IMMP2L: variants seen among roughly 807,000 people sequenced by gnomAD.
IMMP2L encodes mitochondrial inner membrane protease subunit 2.
In IMMP2L, 18 loss-of-function variants were observed where a neutral mutation model predicts 19.3. That is an observed-to-expected ratio of 0.93 (90% CI 0.64 to 1.38). IMMP2L has a LOEUF of 1.38. Ranked by LOEUF, IMMP2L falls within the 40% of genes most tolerant of loss-of-function variation. The pLI is 0.00. For synonymous variants in IMMP2L, 76 were observed against 73.0 expected, an observed-to-expected ratio of 1.04 and a Z score of -0.21; for missense variants, 233 against 218.2, an observed-to-expected ratio of 1.07 and a Z score of -0.43.
At chr7:111,210,313 A>G (rs1435933479) in intron 3 of IMMP2L, among the ~76,000 whole-genome samples, 1 of 152,308 alleles carries the variant, frequency 6.6e-6, no homozygotes, top group African/African-American at 2.4e-5. Context: ...CATCCAACAT[A>G]ATTATGTGGC....
chr7:111,558,961 A>G (rs4562250), intron 1 of IMMP2L, among the ~76,000 whole-genome samples: 140,200 of 152,168 alleles, frequency 0.92, 64,722 homozygotes, highest in East Asian at 0.97. Flanking sequence ...AAGCCACCAA[A>G]GATAGAATGA....
Position 111,562,285 on chromosome 7 carries a change from G to C in IMMP2L, c.-437C>G, listed in dbSNP as rs545217681. ...ACATGCTCGCGATCACGCAGGACTCGCGGCCGCGCACCCCTCCGCCTCCCG... is the reference window on the plus strand; with the variant it reads ...ACATGCTCGCGATCACGCAGGACTCCCGGCCGCGCACCCCTCCGCCTCCCG... On this transcript the variant is annotated 5_prime_UTR_variant, in exon 1 of 6. Coordinates refer to ENST00000405709, the MANE Select transcript of IMMP2L (RefSeq NM_032549.4). The C allele has an allele frequency of 6.6e-6, 1 of 152,438 alleles. No individual in the cohort carries two copies. Among genetic ancestry groups the C allele is most frequent in the South Asian group, 2.1e-4 (1 of 4,818 alleles). The allele number at this position is 152,438 out of a possible 1,614,324, so 9.4% of individuals were successfully genotyped here.
intron 3 of IMMP2L, among the ~76,000 whole-genome samples, chr7:111,364,296 TATGTC>T (rs1829552233): frequency 6.6e-6 from 1 of 152,122 alleles, no homozygotes; most frequent in African/African-American, 2.4e-5. Context: ...TTAGTGTTCT[TATGTC>T]ATCTGCTAGT....
At chr7:111,018,308 C>T (rs770684797) in intron 3 of IMMP2L, among the ~76,000 whole-genome samples, 1 of 152,128 alleles carries the variant, frequency 6.6e-6, no homozygotes, top group Non-Finnish European at 1.5e-5. Context: ...CAAGTGTTAG[C>T]GGCTCTGTGG....
At chr7:111,391,814 T>C (rs1367445356) in intron 3 of IMMP2L, 2 of 698,068 alleles carry the variant, frequency 2.9e-6, no homozygotes, top group Admixed American at 4.1e-5. Flanking sequence ...TAGAGGTCCT[T>C]AATATATGAC....
chr7:110,861,312 G>A (rs183909135), intron 5 of IMMP2L, among the ~76,000 whole-genome samples: 16 of 151,704 alleles, frequency 1.1e-4, no homozygotes, highest in East Asian at 5.8e-4. Flanking sequence ...GTCTTGCGTC[G>A]GCTGCACTCA....
At position 110,896,477 on chromosome 7, in the gene IMMP2L, AATATTTATCCATTT is replaced by A. The variant is rs1450939981; in HGVS notation, c.306-9796_306-9783del. On this transcript the variant is annotated intron_variant, in intron 4 of 5. Coordinates refer to ENST00000405709, the MANE Select transcript of IMMP2L (RefSeq NM_032549.4). ...AAGTATAATTTTATTTTTCAAAAAA[AATATTTATCCATTT>A]TCAATTGGATTGTTTGTCTTTTTTA... Among the ~76,000 whole-genome samples, 23 of 89,328 alleles carry A rather than the reference AATATTTATCCATTT, an allele frequency of 2.6e-4. 4 individuals carry two copies. The East Asian group carries it at 3.0e-3, about 12-fold the overall frequency. 58.6% of individuals were successfully genotyped at this position (89,328 alleles called of 152,430 possible).
At chr7:110,685,653 C>A (rs555767576) in intron 5 of IMMP2L, among the ~76,000 whole-genome samples, 1 of 152,142 alleles carries the variant, frequency 6.6e-6, no homozygotes, top group African/African-American at 2.4e-5. Context: ...TTTGTCCCAA[C>A]CAATTTTCTT....
At chr7:111,228,082 G>A (rs1813300909) in intron 3 of IMMP2L, among the ~76,000 whole-genome samples, 1 of 152,096 alleles carries the variant, frequency 6.6e-6, no homozygotes, top group Admixed American at 6.6e-5. Context: ...GACTTCAGAT[G>A]GGCCAACCAA....
At chr7:111,087,834 C>T (rs1396525041) in intron 3 of IMMP2L, among the ~76,000 whole-genome samples, 1 of 152,116 alleles carries the variant, frequency 6.6e-6, no homozygotes, top group African/African-American at 2.4e-5. Flanking sequence ...ATGACCACTA[C>T]CATAATAATG....
chr7:111,299,091 A>G (rs551595988), intron 3 of IMMP2L, among the ~76,000 whole-genome samples: 1 of 152,132 alleles, frequency 6.6e-6, no homozygotes, highest in Non-Finnish European at 1.5e-5. Flanking sequence ...CCAGAACCAT[A>G]AATAACTGGT....
chr7:110,822,066 C>T (rs184716607), intron 5 of IMMP2L, among the ~76,000 whole-genome samples: 2 of 152,218 alleles, frequency 1.3e-5, no homozygotes, highest in East Asian at 3.9e-4. Context: ...TGTCTCCTGC[C>T]TGAGATCCTG....
intron 3 of IMMP2L, among the ~76,000 whole-genome samples, chr7:111,104,346 G>A (rs1406058704): frequency 6.6e-6 from 1 of 151,716 alleles, no homozygotes; most frequent in Non-Finnish European, 1.5e-5. Context: ...TTATTGTAGA[G>A]AATGAAACAA....
intron 3 of IMMP2L, among the ~76,000 whole-genome samples, chr7:111,318,251 C>T (rs1824315457): frequency 3.3e-5 from 5 of 152,120 alleles, no homozygotes; most frequent in Admixed American, 3.3e-4. Context: ...CTCCTCAAAG[C>T]AGATGGCGTC....
chr7:110,941,101 T>C (rs1254962882), intron 4 of IMMP2L, among the ~76,000 whole-genome samples: 1 of 152,284 alleles, frequency 6.6e-6, no homozygotes, highest in East Asian at 1.9e-4. Context: ...AGAGTAACAA[T>C]ACCCCTTTAG....
At chr7:111,552,401 C>T (rs1470652915) in intron 1 of IMMP2L, among the ~76,000 whole-genome samples, 1 of 152,144 alleles carries the variant, frequency 6.6e-6, no homozygotes, top group Non-Finnish European at 1.5e-5. Context: ...GATCCTCCTG[C>T]CTCAGCCTCC....
intron 3 of IMMP2L, among the ~76,000 whole-genome samples, chr7:111,469,459 C>A (rs1213207798): frequency 6.6e-6 from 1 of 151,992 alleles, no homozygotes; most frequent in East Asian, 1.9e-4. Context: ...TCTCCTTGAA[C>A]AGGTCCTTCA....
intron 3 of IMMP2L, among the ~76,000 whole-genome samples, chr7:111,194,121 T>C (rs916701665): frequency 6.6e-6 from 1 of 152,170 alleles, no homozygotes; most frequent in Non-Finnish European, 1.5e-5. Flanking sequence ...AACTTCTGCC[T>C]TGGGGCACAG....
intron 4 of IMMP2L, among the ~76,000 whole-genome samples, chr7:110,906,027 G>T (rs763210337): frequency 5.9e-5 from 9 of 152,046 alleles, no homozygotes; most frequent in Non-Finnish European, 1.0e-4. Flanking sequence ...GAATGAAAAA[G>T]ATATTTGTGA....
Sources: allele counts gnomAD v4.1 joint callset (sites outside exome capture counted in the v4.1 genomes callset), GRCh38; gene constraint gnomAD v4.1.1; transcripts MANE v1.5; gene names NCBI Gene and HGNC (gene_info 2026-07-23, HGNC 2026-07-21).